CTNNA3: variants seen among roughly 807,000 people sequenced by gnomAD.
The protein encoded by CTNNA3 is catenin alpha-3.
CTNNA3 carries 76 observed loss-of-function variants against 95.7 expected under a neutral mutation model. That is an observed-to-expected ratio of 0.79 (90% confidence interval 0.66 to 0.96). The LOEUF is 0.96. Among genes scored for constraint, CTNNA3 ranks in the 40% least tolerant of loss-of-function variants. The pLI is 0.00. For missense variants in CTNNA3, 1,191 were observed against 1,089.8 expected (o/e 1.09, Z -1.31); for synonymous variants, 431 against 374.4 (o/e 1.15, Z -1.74).
intron 5 of CTNNA3, among the ~76,000 whole-genome samples, chr10:67,398,032 G>A (rs1844778418): frequency 6.6e-6 from 1 of 152,242 alleles, no homozygotes; most frequent in Non-Finnish European, 1.5e-5. Flanking sequence ...GCTAGGAAGT[G>A]TGGAAGGGAA....
At chr10:67,119,516 T>C (rs1309214238) in intron 7 of CTNNA3, among the ~76,000 whole-genome samples, 7 of 152,012 alleles carry the variant, frequency 4.6e-5, no homozygotes. Flanking sequence ...ACATACTTAC[T>C]AATGAGATTT....
intron 9 of CTNNA3, among the ~76,000 whole-genome samples, chr10:66,721,637 A>G (rs903963167): frequency 4.6e-5 from 7 of 152,204 alleles, no homozygotes; most frequent in Non-Finnish European, 8.8e-5. Context: ...TGGGTTGCTA[A>G]GAAAATACAT....
chr10:66,329,758 C>A (rs958496888), intron 12 of CTNNA3, among the ~76,000 whole-genome samples: 1 of 151,920 alleles, frequency 6.6e-6, no homozygotes, highest in Non-Finnish European at 1.5e-5. Flanking sequence ...TGAATAGTTT[C>A]TAGTGTTTTC....
At chr10:66,062,665 C>T (rs1335621346) in intron 15 of CTNNA3, among the ~76,000 whole-genome samples, 1 of 152,092 alleles carries the variant, frequency 6.6e-6, no homozygotes, top group Non-Finnish European at 1.5e-5. Flanking sequence ...TTAGGTGACT[C>T]TGGATTCAGT....
chr10:67,628,448 T>C (rs1394050080), intron 2 of CTNNA3, among the ~76,000 whole-genome samples: 1 of 152,128 alleles, frequency 6.6e-6, no homozygotes, highest in African/African-American at 2.4e-5. Context: ...TTTTAAATGT[T>C]TGACATACTT....
chr10:67,539,771 A>G (rs1840613323), intron 3 of CTNNA3, 102 bp from the exon 4 acceptor site: 2 of 972,850 alleles, frequency 2.1e-6, no homozygotes, highest in Non-Finnish European at 3.0e-6. Flanking sequence ...AAGACTAAGC[A>G]TAATATAAAA....
chr10:67,727,367 T>C (rs1156694975), intron 1 of CTNNA3, among the ~76,000 whole-genome samples: 8 of 132,840 alleles, frequency 6.0e-5, no homozygotes, highest in Non-Finnish European at 3.1e-5. Context: ...TACATATATG[T>C]ATATATGTAT....
At chr10:67,061,926 A>G (rs1312190410) in intron 7 of CTNNA3, among the ~76,000 whole-genome samples, 2 of 147,174 alleles carry the variant, frequency 1.4e-5, no homozygotes, top group African/African-American at 5.1e-5. Context: ...GTATTAGAAA[A>G]TTTATAAGAA....
intron 11 of CTNNA3, among the ~76,000 whole-genome samples, chr10:66,401,336 G>C (rs1010802877): frequency 7.9e-5 from 12 of 152,006 alleles, no homozygotes; most frequent in African/African-American, 2.9e-4. Flanking sequence ...GACCGGCCTG[G>C]CCAACGTGGA....
intron 1 of CTNNA3, among the ~76,000 whole-genome samples, chr10:67,681,035 A>C (rs1203725868): frequency 1.3e-5 from 2 of 152,236 alleles, no homozygotes; most frequent in African/African-American, 4.8e-5. Context: ...TGATATGAAA[A>C]CAACTTTAAA....
chr10:66,660,623 G>A (rs1846229301), intron 9 of CTNNA3, among the ~76,000 whole-genome samples: 1 of 152,134 alleles, frequency 6.6e-6, no homozygotes, highest in Admixed American at 6.5e-5. Flanking sequence ...AACATAGAAG[G>A]TATGCTTTTT....
intron 10 of CTNNA3, among the ~76,000 whole-genome samples, chr10:66,527,610 A>C (rs1841313865): frequency 6.6e-6 from 1 of 152,148 alleles, no homozygotes; most frequent in African/African-American, 2.4e-5. Context: ...AGTTTTCAGC[A>C]AAAACTACAA....
intron 12 of CTNNA3, among the ~76,000 whole-genome samples, chr10:66,362,474 G>A (rs1490107081): frequency 1.3e-5 from 2 of 151,672 alleles, no homozygotes; most frequent in Non-Finnish European, 2.9e-5. Flanking sequence ...ACTTTGGGAG[G>A]CCAAGGCAGG....
chr10:67,017,725 CTGTGTGTG>C (rs10586644), intron 7 of CTNNA3, among the ~76,000 whole-genome samples: 9 of 147,890 alleles, frequency 6.1e-5, no homozygotes, highest in South Asian at 2.1e-4. Flanking sequence ...CAAAAATCAT[CTGTGTGTG>C]TGTGTGTGTG....
At chr10:67,224,504 T>C (rs1490182833) in intron 5 of CTNNA3, among the ~76,000 whole-genome samples, 1 of 152,168 alleles carries the variant, frequency 6.6e-6, no homozygotes, top group Non-Finnish European at 1.5e-5. Context: ...AGCGGACTGC[T>C]CCTGCAAAAT....
At chr10:67,476,055 T>C (rs889404477) in intron 5 of CTNNA3, among the ~76,000 whole-genome samples, 3 of 152,218 alleles carry the variant, frequency 2.0e-5, no homozygotes, top group African/African-American at 7.2e-5. Context: ...ATGTGTATCT[T>C]TTCCATATTT....
At chr10:66,138,036 A>G (rs2083441486) in intron 13 of CTNNA3, among the ~76,000 whole-genome samples, 1 of 152,040 alleles carries the variant, frequency 6.6e-6, no homozygotes, top group Non-Finnish European at 1.5e-5. Context: ...AGAAAATAAA[A>G]TAGTAAAACT....
intron 1 of CTNNA3, among the ~76,000 whole-genome samples, chr10:67,687,488 G>T (rs1265923637): frequency 1.3e-5 from 2 of 152,244 alleles, no homozygotes; most frequent in Non-Finnish European, 2.9e-5. Flanking sequence ...AACCACCAAG[G>T]TTTGTTTGTC....
chr10:66,717,233 T>G (rs748507615), intron 9 of CTNNA3, among the ~76,000 whole-genome samples: 1 of 152,098 alleles, frequency 6.6e-6, no homozygotes, highest in Non-Finnish European at 1.5e-5. Flanking sequence ...GCCCCCGCCA[T>G]GTAAGCCAAT....
Sources: allele counts gnomAD v4.1 joint callset (sites outside exome capture counted in the v4.1 genomes callset), GRCh38; gene constraint gnomAD v4.1.1; transcripts MANE v1.5; gene names NCBI Gene and HGNC (gene_info 2026-07-23, HGNC 2026-07-21).